ZNF732: variants seen among roughly 807,000 people sequenced by gnomAD.
ZNF732 encodes zinc finger protein 732.
In ZNF732, 12 loss-of-function variants were observed where a neutral mutation model predicts 11.5. The observed-to-expected ratio is 1.05, with a 90% CI of 0.67 to 1.70. The LOEUF is 1.70. Ranked by LOEUF, ZNF732 falls within the 40% of genes most tolerant of loss-of-function variation. ZNF732 has a pLI of 0.00. For missense variants in ZNF732, 702 were observed against 676.9 expected (o/e 1.04, Z -0.41); for synonymous variants, 231 against 236.5 (o/e 0.98, Z 0.21).
chr4:286,303 C>A (rs1553840597), intron 3 of ZNF732, among the ~76,000 whole-genome samples: 1 of 152,120 alleles, frequency 6.6e-6, no homozygotes, highest in Non-Finnish European at 1.5e-5. Flanking sequence ...TTTAAAAAGA[C>A]AATGACAGTG....
At chr4:282,463 C>T (rs1277073913) in intron 3 of ZNF732, among the ~76,000 whole-genome samples, 2 of 151,986 alleles carry the variant, frequency 1.3e-5, no homozygotes, top group Non-Finnish European at 2.9e-5. Context: ...TCTGGGAGGC[C>T]AAGGCAGGTA....
chr4:289,228 G>A (rs1284745589), intron 3 of ZNF732, among the ~76,000 whole-genome samples: 2 of 152,228 alleles, frequency 1.3e-5, no homozygotes, highest in Non-Finnish European at 2.9e-5. Context: ...TGATTTCTGT[G>A]AAGTGAGACT....
intron 3 of ZNF732, among the ~76,000 whole-genome samples, chr4:277,930 A>G (rs1553839016): frequency 1.3e-5 from 2 of 152,184 alleles, no homozygotes; most frequent in African/African-American, 4.8e-5. Context: ...CTACACTCCA[A>G]TGTTTATTAA....
Position 274,982 on chromosome 4 carries a change from G to C in ZNF732, c.227-2352C>G, listed in dbSNP as rs76605095. Among the ~76,000 whole-genome samples, 204 of 151,730 alleles carry C rather than the reference G, an allele frequency of 1.3e-3. 1 individual carries two copies. Among genetic ancestry groups the C allele is most frequent in the African/African-American group, 4.4e-3 (182 of 41,486 alleles). ...AGGATATTTAAATACCCCAGTTTCT[G>C]TAAGGAATAATGAAACAAGATAAAA... On this transcript the variant is annotated intron_variant, in intron 3 of 3. Coordinates refer to ENST00000419098, the MANE Select transcript of ZNF732 (RefSeq NM_001137608.3).
chr4:294,425 A>T (rs1455771157), intron 3 of ZNF732, among the ~76,000 whole-genome samples: 1 of 152,262 alleles, frequency 6.6e-6, no homozygotes, highest in African/African-American at 2.4e-5. Flanking sequence ...ACATTTTTAT[A>T]TAGATACAGA....
At chr4:280,803 T>C (rs1160404145) in intron 3 of ZNF732, among the ~76,000 whole-genome samples, 2 of 152,202 alleles carry the variant, frequency 1.3e-5, no homozygotes, top group African/African-American at 4.8e-5. Context: ...TTCCTGCTAC[T>C]AGCACCATCT....
intron 3 of ZNF732, among the ~76,000 whole-genome samples, chr4:277,307 A>G (rs185790889): frequency 6.6e-6 from 1 of 152,086 alleles, no homozygotes; most frequent in African/African-American, 2.4e-5. Flanking sequence ...AGAAACTAAA[A>G]ATGCTTTGCA....
rs568396427 is a variant in ZNF732 at position 295,467 on chromosome 4, T to C, written c.197A>G (p.Lys66Arg). The change falls in exon 3 of 4, where the codon AAG (lysine) becomes AGG (arginine). Residue 66 changes from lysine (K) to arginine (R), a missense_variant. Around this residue, in one of 3 missense-constraint regions of ZNF732, gnomAD observed 596 missense variants for 557.9 expected, o/e 1.07. Coordinates refer to ENST00000419098, the MANE Select transcript of ZNF732 (RefSeq NM_001137608.3). Reference protein sequence around the residue: ...LEQRKEPYKVKIHETVAKHPA... With the variant: ...LEQRKEPYKVRIHETVAKHPA... The stretch of plus-strand genomic sequence containing the variant: ...GTGTTTGGCTACTGTCTCATGTATC[T>C]TCACTTTGTAGGGCTCCTTTCTTTG... The C allele has an allele frequency of 2.3e-5, 37 of 1,611,488 alleles. No individual in the cohort carries two copies. In the African/African-American group the frequency reaches 4.4e-4, roughly 19 times the overall value.
chr4:292,890 C>CACAAA (rs1719867679), intron 3 of ZNF732, among the ~76,000 whole-genome samples: 1 of 79,410 alleles, frequency 1.3e-5, no homozygotes, highest in South Asian at 6.0e-4. Context: ...ACTAAAAACA[C>CACAAA]AAAAAAAAAA....
At chr4:296,003 G>C (rs1231561621) in intron 2 of ZNF732, 26 bp downstream of exon 2, 7 of 1,605,636 alleles carry the variant, frequency 4.4e-6, no homozygotes, top group Non-Finnish European at 5.9e-6. Context: ...GGAGTATTAG[G>C]AATTATTTAC....
chr4:298,558 C>A (rs1204027149), intron 1 of ZNF732, among the ~76,000 whole-genome samples: 1 of 152,156 alleles, frequency 6.6e-6, no homozygotes, highest in African/African-American at 2.4e-5. Flanking sequence ...GTCAGACTGA[C>A]CCCAGTCTGC....
chr4:294,596 A>G (rs531893063), intron 3 of ZNF732, among the ~76,000 whole-genome samples: 8 of 152,350 alleles, frequency 5.3e-5, no homozygotes, highest in African/African-American at 1.7e-4. Context: ...TAAACACTTT[A>G]ATCCAGTGGG....
At chr4:300,009 G>T (rs1317758481) in intron 1 of ZNF732, among the ~76,000 whole-genome samples, 7 of 151,112 alleles carry the variant, frequency 4.6e-5, no homozygotes, top group African/African-American at 1.7e-4. Context: ...CAGCTGACGA[G>T]TATATTTTTA....
At chr4:274,436 G>C (rs782067892) in intron 3 of ZNF732, among the ~76,000 whole-genome samples, 10 of 151,328 alleles carry the variant, frequency 6.6e-5, no homozygotes, top group Non-Finnish European at 1.0e-4. Context: ...AAATAAAAAA[G>C]ACTAAGGAAG....
chr4:296,464 G>C (rs369836027), intron 1 of ZNF732, among the ~76,000 whole-genome samples: 1 of 151,998 alleles, frequency 6.6e-6, no homozygotes, highest in Admixed American at 6.6e-5. Flanking sequence ...AATGCCTCAC[G>C]CTTGACCTTG....
rs186268220 is a variant in ZNF732, at chr4:294,352, T to C, written c.226+1086A>G. On this transcript the variant is annotated intron_variant, in intron 3 of 3. Transcript: ENST00000419098. ...TTGCTTCACTTCGTTTCCAAGAATC[T>C]ATCAACAATGTAAGAGTTTATTATA... 3.9e-5 allele frequency among the ~76,000 whole-genome samples: 6 copies of C among 152,366 alleles called. No homozygotes were observed. The East Asian group carries it at 9.6e-4, about 24-fold the overall frequency.
At chr4:298,990 C>A (rs1720021980) in intron 1 of ZNF732, among the ~76,000 whole-genome samples, 1 of 152,090 alleles carries the variant, frequency 6.6e-6, no homozygotes, top group South Asian at 2.1e-4. Context: ...AAGAGCTCCA[C>A]CTATGTTGAC....
At chr4:287,138 A>G (rs990594173) in intron 3 of ZNF732, among the ~76,000 whole-genome samples, 1 of 152,134 alleles carries the variant, frequency 6.6e-6, no homozygotes, top group African/African-American at 2.4e-5. Flanking sequence ...GCGACAGAGC[A>G]AGACTCCGTC....
At chr4:287,617 C>T (rs1164711135) in intron 3 of ZNF732, among the ~76,000 whole-genome samples, 3 of 151,690 alleles carry the variant, frequency 2.0e-5, no homozygotes, top group African/African-American at 7.3e-5. Flanking sequence ...CTGATGAAAA[C>T]ACAAATGATA....
Sources: gnomAD v4.1 joint callset for allele counts (sites outside exome capture counted in the v4.1 genomes callset) on GRCh38, gnomAD v4.1.1 for gene constraint, gnomAD v4.1.1 regional missense constraint, MANE v1.5 for transcripts, NCBI Gene and HGNC (gene_info 2026-07-23, HGNC 2026-07-21) for gene names.